The following DLG2 variants were observed in gnomAD, a reference collection of about 807,000 sequenced individuals.
DLG2 encodes the protein disks large homolog 2.
In DLG2, 45 loss-of-function variants were observed where a neutral mutation model predicts 132.5. That is an observed-to-expected ratio of 0.34 (90% CI 0.27 to 0.44). The LOEUF is 0.44. DLG2 is among the 20% of genes least tolerant of loss of function. The pLI is 1.00. For synonymous variants in DLG2, 424 were observed against 419.6 expected (o/e 1.01, Z -0.13); for missense variants, 1,045 against 1,196.9 (o/e 0.87, Z 1.87).
intron 3 of DLG2, among the ~76,000 whole-genome samples, chr11:85,393,989 C>A (rs192799179): frequency 1.3e-5 from 2 of 152,170 alleles, no homozygotes; most frequent in Non-Finnish European, 2.9e-5. Context: ...GCACCAAAAT[C>A]TCAGGAATCA....
intron 17 of DLG2, among the ~76,000 whole-genome samples, chr11:83,798,432 C>G (rs537241072): frequency 7.2e-5 from 11 of 152,114 alleles, no homozygotes; most frequent in Non-Finnish European, 1.6e-4. Flanking sequence ...TCTATGTGAC[C>G]AGGACTTTTA....
intron 6 of DLG2, among the ~76,000 whole-genome samples, chr11:84,860,722 T>C (rs1028535726): frequency 6.6e-6 from 1 of 152,092 alleles, no homozygotes; most frequent in Non-Finnish European, 1.5e-5. Flanking sequence ...TACTGGCACT[T>C]GGCAAGTAGC....
chr11:83,984,998 G>T (rs1343433375), intron 11 of DLG2, among the ~76,000 whole-genome samples: 1 of 152,084 alleles, frequency 6.6e-6, no homozygotes, highest in Admixed American at 6.6e-5. Context: ...CCAAAAGTGA[G>T]TTCATATGAG....
intron 18 of DLG2, chr11:83,652,088 T>C (rs1468799741): frequency 1.4e-5 from 4 of 296,260 alleles, no homozygotes; most frequent in Non-Finnish European, 2.7e-5. Context: ...TGTAGTATCA[T>C]CGTTTGCCCC....
intron 6 of DLG2, among the ~76,000 whole-genome samples, chr11:85,090,356 G>A (rs1292176853): frequency 1.3e-5 from 2 of 152,012 alleles, no homozygotes. Flanking sequence ...TCTCTATAAT[G>A]ATATTTCCAA....
At chr11:84,600,640 A>T (rs980038561) in intron 6 of DLG2, among the ~76,000 whole-genome samples, 1 of 152,192 alleles carries the variant, frequency 6.6e-6, no homozygotes, top group Non-Finnish European at 1.5e-5. Context: ...TCAGGAATTT[A>T]AAAAGGGAAT....
intron 3 of DLG2, among the ~76,000 whole-genome samples, chr11:85,566,589 T>C (rs371536152): frequency 9.2e-5 from 14 of 152,232 alleles, no homozygotes; most frequent in South Asian, 2.1e-4. Context: ...TATCATTATA[T>C]ATTCATATGG....
chr11:84,506,564 T>G (rs2099241965), intron 7 of DLG2, among the ~76,000 whole-genome samples: 1 of 152,124 alleles, frequency 6.6e-6, no homozygotes, highest in African/African-American at 2.4e-5. Flanking sequence ...GCAAGGAAAC[T>G]GATTCTTCCC....
chr11:83,813,803 G>C (rs2048045055), intron 17 of DLG2, among the ~76,000 whole-genome samples: 1 of 151,888 alleles, frequency 6.6e-6, no homozygotes, highest in South Asian at 2.1e-4. Flanking sequence ...AAAAATAACA[G>C]CCAACATTTA....
At chr11:83,588,868 T>A (rs2097139109) in intron 19 of DLG2, among the ~76,000 whole-genome samples, 1 of 151,930 alleles carries the variant, frequency 6.6e-6, no homozygotes, top group African/African-American at 2.4e-5. Flanking sequence ...GCCGATGCGA[T>A]CAACTGGAAG....
rs17741089 is a variant in DLG2, at chr11:84,799,875, A to T, written c.358-265144T>A. 1.7e-3 allele frequency among the ~76,000 whole-genome samples: 252 copies of T among 152,040 alleles called. 2 individuals are homozygous for T. The highest frequency in any genetic ancestry group is 6.8e-3 in the Middle Eastern group (2 of 294). On this transcript the variant is annotated intron_variant, in intron 6 of 27. Transcript: ENST00000376104. Reference sequence around the variant, plus strand: ...TGTTTTTCTATTTTAAAGCAGTAACAGTAATAAATAATGTCCTGGAACCAG... The same window carrying T: ...TGTTTTTCTATTTTAAAGCAGTAACTGTAATAAATAATGTCCTGGAACCAG...
chr11:85,015,058 T>C (rs2059454182), intron 6 of DLG2, among the ~76,000 whole-genome samples: 1 of 152,204 alleles, frequency 6.6e-6, no homozygotes, highest in South Asian at 2.1e-4. Context: ...AGAATAATGG[T>C]GTCTCTTGTG....
intron 19 of DLG2, among the ~76,000 whole-genome samples, chr11:83,580,070 T>C (rs1191593384): frequency 2.0e-5 from 3 of 152,092 alleles, no homozygotes; most frequent in African/African-American, 7.2e-5. Flanking sequence ...AAAGTCACAA[T>C]ATATAGAACT....
At chr11:85,475,718 T>C (rs1339986691) in intron 3 of DLG2, among the ~76,000 whole-genome samples, 1 of 152,152 alleles carries the variant, frequency 6.6e-6, no homozygotes. Context: ...ATTTTCATTT[T>C]ATTTTCTTAT....
chr11:84,737,355 G>T (rs2063973363), intron 6 of DLG2, among the ~76,000 whole-genome samples: 1 of 151,888 alleles, frequency 6.6e-6, no homozygotes, highest in African/African-American at 2.4e-5. Flanking sequence ...GGCAATATAG[G>T]CCTCATGTAG....
At chr11:85,400,738 C>A (rs1203779583) in intron 3 of DLG2, among the ~76,000 whole-genome samples, 1 of 149,434 alleles carries the variant, frequency 6.7e-6, no homozygotes, top group South Asian at 2.1e-4. Flanking sequence ...ACAATGAGAA[C>A]ACATGGACAC....
intron 16 of DLG2, among the ~76,000 whole-genome samples, chr11:83,857,786 A>T (rs1246226586): frequency 6.6e-6 from 1 of 151,494 alleles, no homozygotes; most frequent in African/African-American, 2.4e-5. Flanking sequence ...TTGGGGCAGG[A>T]CACACATGAG....
At chr11:83,460,715 T>A (rs1325002227) in intron 27 of DLG2, among the ~76,000 whole-genome samples, 1 of 152,196 alleles carries the variant, frequency 6.6e-6, no homozygotes, top group African/African-American at 2.4e-5. Context: ...AAATTACTAC[T>A]GAAAGATGAT....
intron 18 of DLG2, among the ~76,000 whole-genome samples, chr11:83,654,705 T>C (rs986950511): frequency 2.6e-5 from 4 of 152,060 alleles, no homozygotes; most frequent in African/African-American, 9.7e-5. Flanking sequence ...CAGCAGAGAG[T>C]CTTGTATGAG....
Sources: gnomAD v4.1 joint callset for allele counts (sites outside exome capture counted in the v4.1 genomes callset) on GRCh38, gnomAD v4.1.1 for gene constraint, MANE v1.5 for transcripts, NCBI Gene and HGNC (gene_info 2026-07-23, HGNC 2026-07-21) for gene names.